The following RGS10 variants were observed in gnomAD, a reference collection of about 807,000 sequenced individuals.
RGS10 encodes the protein regulator of G-protein signalling 10.
In RGS10, 11 loss-of-function variants were observed where a neutral mutation model predicts 23.5. The ratio of observed to expected loss-of-function variants is 0.47; its 90% CI spans 0.29 to 0.77. RGS10 has a LOEUF of 0.77. Ranked by LOEUF, RGS10 falls within the 30% of genes least tolerant of loss-of-function variation. The pLI is 0.08. For synonymous variants in RGS10, 77 were observed against 83.2 expected, an observed-to-expected ratio of 0.92 and a Z score of 0.41; for missense variants, 180 against 226.3, an observed-to-expected ratio of 0.80 and a Z score of 1.31.
At chr10:119,535,101 C>G (rs1844373810) in intron 1 of RGS10, among the ~76,000 whole-genome samples, 1 of 152,086 alleles carries the variant, frequency 6.6e-6, no homozygotes, top group Admixed American at 6.6e-5. Context: ...AACCCAGGTA[C>G]TCCTGCTCCA....
chr10:119,526,258 GA>G (rs983294538), intron 2 of RGS10, 140 bp from the exon 3 acceptor site: 3 of 471,040 alleles, frequency 6.4e-6, no homozygotes, highest in African/African-American at 6.0e-5. Context: ...ACCCCACTCT[GA>G]AAAACAAATG....
intron 4 of RGS10, among the ~76,000 whole-genome samples, chr10:119,503,002 G>A (rs900817565): frequency 6.6e-6 from 1 of 152,118 alleles, no homozygotes; most frequent in Admixed American, 6.5e-5. Context: ...ACCGGCCAAC[G>A]ACCCCCTGGG....
At chr10:119,539,620 G>T (rs1844419487) in intron 1 of RGS10, among the ~76,000 whole-genome samples, 1 of 152,172 alleles carries the variant, frequency 6.6e-6, no homozygotes, top group African/African-American at 2.4e-5. Context: ...CCCCAACACT[G>T]AATCAGTCTG....
Position 119,542,666 on chromosome 10 carries a change from G to T in RGS10, c.-28C>A. The T allele has an allele frequency of 7.4e-7, 1 of 1,357,494 alleles. No individual in the cohort carries two copies. The highest frequency in any genetic ancestry group is 1.7e-5 in the South Asian group (1 of 58,982). 84.1% of individuals were successfully genotyped at this position (1,357,494 alleles called of 1,614,324 possible). ...CCGCGGGCGCCCGAGGAGGAAGAAG[G>T]AGCAGCCCGGCGGCGCGGCGGCTGA... is the stretch of plus-strand genomic sequence containing the variant. On this transcript the variant is annotated 5_prime_UTR_variant, in exon 1 of 5. Coordinates refer to ENST00000369103, the MANE Select transcript of RGS10 (RefSeq NM_001005339.2).
Position 119,526,114 on chromosome 10 carries a change from A to T in RGS10, c.173T>A (p.Phe58Tyr). The T allele has an allele frequency of 6.6e-7, 1 of 1,521,206 alleles. No homozygotes were observed. The highest frequency in any genetic ancestry group is 9.0e-7 in the Non-Finnish European group (1 of 1,111,992). The allele number at this position is 1,521,206 out of a possible 1,614,324, so 94.2% of individuals were successfully genotyped here. ...TTCTTCACTGAATTCCTTTTTTAAAAATTCCTGTGGATACAAAGAAAAAGA... is the reference window on the plus strand; with the variant it reads ...TTCTTCACTGAATTCCTTTTTTAAATATTCCTGTGGATACAAAGAAAAAGA... ...DPEGVKRFRE[F>Y]LKKEFSEENV... The change falls in exon 3 of 5, where the codon TTT becomes TAT. Residue 58 changes from phenylalanine (F) to tyrosine (Y), a missense_variant. Coordinates refer to ENST00000369103, the MANE Select transcript of RGS10 (RefSeq NM_001005339.2).
intron 3 of RGS10, among the ~76,000 whole-genome samples, chr10:119,520,107 C>T (rs920879109): frequency 1.3e-5 from 2 of 152,226 alleles, no homozygotes; most frequent in East Asian, 1.9e-4. Flanking sequence ...CTCTCCACCC[C>T]GTCTTCTTCC....
intron 1 of RGS10, among the ~76,000 whole-genome samples, chr10:119,536,197 T>C (rs1844385710): frequency 6.6e-6 from 1 of 151,974 alleles, no homozygotes; most frequent in Non-Finnish European, 1.5e-5. Context: ...GTGAAAAAAG[T>C]TTTTCAATAA....
chr10:119,500,297 C>A (rs1178351410), intron 4 of RGS10, 38 bp from the exon 5 acceptor site: 4 of 1,577,016 alleles, frequency 2.5e-6, no homozygotes, highest in South Asian at 1.2e-5. Context: ...AAGGCTGAGG[C>A]TAATCCAGGC....
At position 119,538,434 on chromosome 10, in the gene RGS10, A is replaced by G. The variant is rs1844409191; in HGVS notation, c.49+4156T>C. ...CAAGCATGGAGGGTGGGAGGCAGCG[A>G]GGCCTAGAAGGGTGGGTCTGTTGGA... is the stretch of plus-strand genomic sequence containing the variant. On this transcript the variant is annotated intron_variant, in intron 1 of 4. Transcript: ENST00000369103. The surrounding 1 kb of genome is among the most constrained non-coding windows in gnomAD (Gnocchi z 4.5). Among the ~76,000 whole-genome samples the G allele has an allele frequency of 1.3e-5, 2 of 152,192 alleles. No homozygotes were observed. Among genetic ancestry groups the G allele is most frequent in the Admixed American group, 1.3e-4 (2 of 15,278 alleles).
At chr10:119,505,824 A>G (rs1348003368) in intron 4 of RGS10, among the ~76,000 whole-genome samples, 2 of 152,216 alleles carry the variant, frequency 1.3e-5, no homozygotes, top group Admixed American at 6.5e-5. Flanking sequence ...TCAGAAGACA[A>G]GTACAGAAGA....
In RGS10 at chr10:119,522,409, C is replaced by T. The variant is rs185164786; in HGVS notation, c.255+3623G>A. Among the ~76,000 whole-genome samples the T allele has an allele frequency of 6.3e-4, 96 of 152,238 alleles. 2 individuals are homozygous for T. Among genetic ancestry groups the T allele is most frequent in the Admixed American group, 5.2e-3 (80 of 15,292 alleles). On this transcript the variant is annotated intron_variant, in intron 3 of 4. Transcript: ENST00000369103. The stretch of plus-strand genomic sequence containing the variant: ...TTGACTGTGAAATCCAGTTAGGTTA[C>T]GTGCACAACAGAGGATTAAAAAGAA...
chr10:119,500,787 G>A (rs961230034), intron 4 of RGS10, among the ~76,000 whole-genome samples: 3 of 151,090 alleles, frequency 2.0e-5, no homozygotes, highest in Non-Finnish European at 4.4e-5. Flanking sequence ...TGCAGGGCAG[G>A]GCAGCAAAAC....
rs137987576 is a variant in RGS10, at chr10:119,508,399, C to T, written c.399+7110G>A. 5.0e-3 allele frequency among the ~76,000 whole-genome samples: 765 copies of T among 152,326 alleles called. 5 individuals carry two copies. Among genetic ancestry groups the T allele is most frequent in the Middle Eastern group, 0.01 (3 of 294 alleles). ...AACCCATGCCCTTCTCTTCCATGGA[C>T]TGAGAAAGCCACGAAGCTGCCATGT... On this transcript the variant is annotated intron_variant, in intron 4 of 4. Transcript: ENST00000369103.
intron 1 of RGS10, among the ~76,000 whole-genome samples, chr10:119,532,384 G>A (rs1221698365): frequency 6.6e-6 from 1 of 152,076 alleles, no homozygotes; most frequent in African/African-American, 2.4e-5. Flanking sequence ...CCCTGCTCAG[G>A]GGACACACTA....
intron 1 of RGS10, among the ~76,000 whole-genome samples, chr10:119,541,967 C>T (rs1252703984): frequency 2.6e-5 from 4 of 152,238 alleles, no homozygotes; most frequent in Non-Finnish European, 5.9e-5. Context: ...TCAAGTTGCC[C>T]GAGATCGTGG....
At chr10:119,508,576 C>A (rs1407737485) in intron 4 of RGS10, among the ~76,000 whole-genome samples, 1 of 152,196 alleles carries the variant, frequency 6.6e-6, no homozygotes, top group African/African-American at 2.4e-5. Flanking sequence ...TGTTTTAAAT[C>A]TTTCATATGG....
chr10:119,508,670 C>T (rs922364920), intron 4 of RGS10, among the ~76,000 whole-genome samples: 6 of 152,206 alleles, frequency 3.9e-5, no homozygotes, highest in South Asian at 2.1e-4. Flanking sequence ...ATAACGTCAT[C>T]GATTTCCTGC....
chr10:119,510,720 T>C (rs1844067257), intron 4 of RGS10, among the ~76,000 whole-genome samples: 1 of 152,058 alleles, frequency 6.6e-6, no homozygotes, highest in South Asian at 2.1e-4. Flanking sequence ...ATAGATATTT[T>C]TGTTTATTTG....
At chr10:119,531,886 C>T (rs529659410) in intron 1 of RGS10, among the ~76,000 whole-genome samples, 1 of 152,260 alleles carries the variant, frequency 6.6e-6, no homozygotes, top group Admixed American at 6.5e-5. Context: ...CCATGAAATA[C>T]GTTAACAATT....
Sources: allele counts gnomAD v4.1 joint callset (sites outside exome capture counted in the v4.1 genomes callset), GRCh38; gene constraint gnomAD v4.1.1; non-coding constraint Gnocchi (gnomAD v3.1); transcripts MANE v1.5; gene names NCBI Gene and HGNC (gene_info 2026-07-23, HGNC 2026-07-21).